Variants in MTHFD2 observed in about 807,000 individuals in gnomAD.
MTHFD2 encodes the protein bifunctional methylenetetrahydrofolate dehydrogenase/cyclohydrolase, mitochondrial.
A neutral mutation model predicts 36.8 loss-of-function variants in MTHFD2; 26 were observed. The observed-to-expected ratio is 0.71, with a 90% confidence interval of 0.52 to 0.98. MTHFD2 has a LOEUF of 0.98. MTHFD2 is among the 50% of genes least tolerant of loss of function. MTHFD2 has a pLI of 0.00. For synonymous variants in MTHFD2, 164 were observed against 155.2 expected (o/e 1.06, Z -0.42); for missense variants, 373 against 434.0 (o/e 0.86, Z 1.25).
At position 74,211,817 on chromosome 2, in the gene MTHFD2, C is replaced by T. The variant is rs914740473; in HGVS notation, c.840C>T (p.His280=). 4.3e-6 allele frequency: 7 copies of T among 1,611,126 alleles called. No homozygotes were observed. Among genetic ancestry groups the T allele is most frequent in the African/African-American group, 1.3e-5 (1 of 74,718 alleles). ...TTGATGTGGGAATAAATAGAGTTCA[C>T]GATCCTGTAACTGCCAAACCCAAGT... is the stretch of plus-strand genomic sequence containing the variant. ...AVIDVGINRV[H]DPVTAKPKLV... is the part of the protein sequence containing the mutation. Residue 280 remains histidine (H), a synonymous_variant, in exon 7 of 8, where the codon CAC becomes CAT. Transcript: ENST00000394053.
At chr2:74,212,297 A>C (rs1328910970) in intron 7 of MTHFD2, among the ~76,000 whole-genome samples, 6 of 102,198 alleles carry the variant, frequency 5.9e-5, no homozygotes, top group East Asian at 2.7e-4. Flanking sequence ...AGACAGTCTC[A>C]CTCTGTCACC....
chr2:74,206,068 A>T, intron 2 of MTHFD2, 179 bp downstream of exon 2: 1 of 578,678 alleles, frequency 1.7e-6, no homozygotes, highest in Non-Finnish European at 3.0e-6. Flanking sequence ...CGGGGTTTAT[A>T]CAGTAGGACA....
rs565994280 is a variant in MTHFD2 at position 74,217,065 on chromosome 2, G to C, written c.*2823G>C. On this transcript the variant is annotated 3_prime_UTR_variant, in exon 8 of 8. Coordinates refer to ENST00000394053, the MANE Select transcript of MTHFD2 (RefSeq NM_006636.4). ...AAACACTTATTGAGAGCTTTCTATG[G>C]ACCAGGCACTACACTAGACGCTGGG... 6.6e-6 allele frequency: 1 copy of C among 152,274 alleles called. No individual in the cohort carries two copies. The highest frequency in any genetic ancestry group is 2.4e-5 in the African/African-American group (1 of 41,562). The allele number at this position is 152,274 out of a possible 1,614,324, so 9.4% of individuals were successfully genotyped here. A position where few individuals can be genotyped will look rare whatever the true frequency, so the allele number is the denominator to read the frequency against.
chr2:74,213,573 A>C (rs1694359892), intron 7 of MTHFD2, among the ~76,000 whole-genome samples: 1 of 152,164 alleles, frequency 6.6e-6, no homozygotes, highest in South Asian at 2.1e-4. Flanking sequence ...TACTGGCATG[A>C]ACCACTGTAC....
chr2:74,209,641 C>T (rs1380724887), intron 4 of MTHFD2, among the ~76,000 whole-genome samples: 2 of 152,086 alleles, frequency 1.3e-5, no homozygotes, highest in Non-Finnish European at 2.9e-5. Flanking sequence ...AAGCAATTCT[C>T]CTACCTTAGC....
At chr2:74,210,071 A>G in intron 5 of MTHFD2, 22 bp downstream of exon 5, 1 of 1,591,524 alleles carries the variant, frequency 6.3e-7, no homozygotes, top group Non-Finnish European at 8.6e-7. Flanking sequence ...GCTTTCAGGG[A>G]ACACTGTCCT....
intron 2 of MTHFD2, 121 bp from the exon 3 acceptor site, chr2:74,207,583 C>T: frequency 1.1e-6 from 1 of 912,464 alleles, no homozygotes; most frequent in Non-Finnish European, 1.6e-6. Flanking sequence ...TGAGCTACTT[C>T]AGCTTTTAGG....
chr2:74,214,426 A>G lies in MTHFD2; in HGVS notation c.*184A>G. On this transcript the variant is annotated 3_prime_UTR_variant, in exon 8 of 8. Coordinates refer to ENST00000394053, the MANE Select transcript of MTHFD2 (RefSeq NM_006636.4). ...CCTCTGCAGTACCTCACCAGGGAGC[A>G]TTCCAGTATCATGCAGGGTCCTGTG... The G allele has an allele frequency of 1.8e-6, 1 of 551,216 alleles. No individual in the cohort carries two copies. Among genetic ancestry groups the G allele is most frequent in the Non-Finnish European group, 3.1e-6 (1 of 326,188 alleles). 34.1% of individuals were successfully genotyped at this position (551,216 alleles called of 1,614,324 possible).
At chr2:74,207,970 A>G in intron 3 of MTHFD2, 144 bp downstream of exon 3, 2 of 847,512 alleles carry the variant, frequency 2.4e-6, no homozygotes, top group Middle Eastern at 2.5e-4. Flanking sequence ...GTGCAATGGT[A>G]CAATCATAGC....
rs997993260 is a variant in MTHFD2 at position 74,216,480 on chromosome 2, A to G, written c.*2238A>G. 6.6e-6 allele frequency: 1 copy of G among 152,258 alleles called. No individual in the cohort carries two copies. The highest frequency in any genetic ancestry group is 2.4e-5 in the African/African-American group (1 of 41,468). 9.4% of individuals were successfully genotyped at this position (152,258 alleles called of 1,614,324 possible). A position where few individuals can be genotyped will look rare whatever the true frequency, so the allele number is the denominator to read the frequency against. ...CAAGCAGGTTTACTCTTGAATCCAT[A>G]GCATTTCTACAATTTAATTTGGACA... On this transcript the variant is annotated 3_prime_UTR_variant, in exon 8 of 8. Transcript: ENST00000394053.
intron 5 of MTHFD2, among the ~76,000 whole-genome samples, chr2:74,210,674 A>G (rs755328727): frequency 2.6e-5 from 4 of 152,260 alleles, no homozygotes; most frequent in Non-Finnish European, 4.4e-5. Context: ...ATATGACTCA[A>G]AACAGTCGAG....
At chr2:74,202,416 A>G (rs1235174357) in intron 1 of MTHFD2, among the ~76,000 whole-genome samples, 1 of 152,138 alleles carries the variant, frequency 6.6e-6, no homozygotes, top group Non-Finnish European at 1.5e-5. Context: ...AGGATTAGGA[A>G]TGTATTTTTG....
At chr2:74,199,135 C>G (rs565239400) in intron 1 of MTHFD2, among the ~76,000 whole-genome samples, 1 of 152,222 alleles carries the variant, frequency 6.6e-6, no homozygotes, top group Non-Finnish European at 1.5e-5. Context: ...TGGGGGAGAA[C>G]AGGCGAGGGT....
At chr2:74,204,280 C>A (rs928560791) in intron 1 of MTHFD2, among the ~76,000 whole-genome samples, 2 of 152,080 alleles carry the variant, frequency 1.3e-5, no homozygotes, top group African/African-American at 4.8e-5. Context: ...AAAACTGGGA[C>A]TCTTCCACAT....
chr2:74,204,604 G>A (rs1267769586), intron 1 of MTHFD2, among the ~76,000 whole-genome samples: 1 of 152,140 alleles, frequency 6.6e-6, no homozygotes, highest in Non-Finnish European at 1.5e-5. Context: ...CTGGACCACT[G>A]GCCAGCCTAG....
At chr2:74,206,852 GCATGGGCCAC>G (rs1694193661) in intron 2 of MTHFD2, among the ~76,000 whole-genome samples, 1 of 152,090 alleles carries the variant, frequency 6.6e-6, no homozygotes, top group African/African-American at 2.4e-5. Flanking sequence ...GGGATTATAG[GCATGGGCCAC>G]CATGCCTGGC....
In MTHFD2 at chr2:74,201,573, C is replaced by T. The variant is rs186423886; in HGVS notation, c.101+2831C>T. Among the ~76,000 whole-genome samples the T allele has an allele frequency of 1.1e-4, 16 of 152,066 alleles. No homozygotes were observed. The East Asian group carries it at 3.1e-3, about 29-fold the overall frequency. On this transcript the variant is annotated intron_variant, in intron 1 of 7. Transcript: ENST00000394053. ...AGAGATGGGGTCTCACCATGTTGCCCACGCTAGTCTTGAACTTGGCCTCCC... is the reference window on the plus strand; with the variant it reads ...AGAGATGGGGTCTCACCATGTTGCCTACGCTAGTCTTGAACTTGGCCTCCC...
At position 74,207,825 on chromosome 2, in the gene MTHFD2, A is replaced by C; in HGVS notation, c.408A>C (p.Pro136=). Residue 136 remains proline, a splice_region_variant and synonymous_variant, in exon 3 of 8, where the codon CCA becomes CCC. Transcript: ENST00000394053. ...VDGLLVQLPL[P]EHIDERRICN... ...GCCTCCTTGTTCAGTTGCCTCTTCC[A>C]GGTGAGTTTTGGACTCCATTTAACA... is the stretch of plus-strand genomic sequence containing the variant. The C allele has an allele frequency of 6.3e-7, 1 of 1,582,110 alleles. No homozygotes were observed. Among genetic ancestry groups the C allele is most frequent in the Non-Finnish European group, 8.7e-7 (1 of 1,155,052 alleles).
chr2:74,199,142 G>C (rs1693978440), intron 1 of MTHFD2, among the ~76,000 whole-genome samples: 1 of 152,216 alleles, frequency 6.6e-6, no homozygotes, highest in African/African-American at 2.4e-5. Context: ...GAACAGGCGA[G>C]GGTTCCAAAA....
Sources: gnomAD v4.1 joint callset for allele counts (sites outside exome capture counted in the v4.1 genomes callset) on GRCh38, gnomAD v4.1.1 for gene constraint, MANE v1.5 for transcripts, NCBI Gene and HGNC (gene_info 2026-07-23, HGNC 2026-07-21) for gene names.